Variants in RNPEPL1 observed in about 807,000 individuals in gnomAD.
RNPEPL1 encodes aminopeptidase RNPEPL1.
RNPEPL1 carries 46 observed loss-of-function variants against 69.0 expected under a neutral mutation model. The observed-to-expected ratio is 0.67, with a 90% confidence interval of 0.53 to 0.85. The LOEUF is 0.85. RNPEPL1 is among the 40% of genes least tolerant of loss of function. RNPEPL1 has a pLI of 0.00. For synonymous variants in RNPEPL1, 525 were observed against 454.1 expected, an observed-to-expected ratio of 1.16 and a Z score of -1.98; for missense variants, 869 against 992.5, an observed-to-expected ratio of 0.88 and a Z score of 1.67.
intron 8 of RNPEPL1, chr2:240,575,924 C>G: frequency 2.4e-6 from 1 of 411,258 alleles, no homozygotes; most frequent in Non-Finnish European, 4.6e-6. Flanking sequence ...TGTCCTGGAG[C>G]TGGAGAACAG....
chr2:240,579,716 C>CT lies in RNPEPL1; in HGVS notation c.*1827dup, dbSNP rs1440169821. 6.6e-6 allele frequency: 1 copy of CT among 152,254 alleles called. No individual in the cohort carries two copies. The highest frequency in any genetic ancestry group is 1.5e-5 in the Non-Finnish European group (1 of 68,072). 9.4% of individuals were successfully genotyped at this position (152,254 alleles called of 1,614,324 possible). ...TGGGGCTCCAGCCTTGGGAGGACCC[C>CT]TTTCCTGTTTCTTAACCATGCTTGA... On this transcript the variant is annotated 3_prime_UTR_variant, in exon 11 of 11. Transcript: ENST00000270357.
chr2:240,568,745 G>C lies in RNPEPL1; in HGVS notation c.159G>C (p.Glu53Asp). The C allele has an allele frequency of 3.8e-6, 4 of 1,063,392 alleles. No homozygotes were observed. Among genetic ancestry groups the C allele is most frequent in the Non-Finnish European group, 3.4e-6 (3 of 879,142 alleles). The allele number at this position is 1,063,392 out of a possible 1,614,324, so 65.9% of individuals were successfully genotyped here. A position where few individuals can be genotyped will look rare whatever the true frequency, so the allele number is the denominator to read the frequency against. Residue 53 changes from glutamate (E) to aspartate (D), a missense_variant, in exon 1 of 11, where the codon GAG becomes GAC. Transcript: ENST00000270357. The surrounding 1 kb of genome is among the most constrained non-coding windows in gnomAD (Gnocchi z 6.2). Reference protein sequence around the residue: ...HLQLGLELRPEARELAGCLVL... With the variant: ...HLQLGLELRPDARELAGCLVL... Reference sequence around the variant, plus strand: ...AGCTGGGCCTGGAGCTGCGGCCCGAGGCGCGCGAGTTGGCCGGCTGCCTGG... The same window carrying C: ...AGCTGGGCCTGGAGCTGCGGCCCGACGCGCGCGAGTTGGCCGGCTGCCTGG...
chr2:240,574,015 G>A (rs887311980), intron 4 of RNPEPL1, 98 bp from the exon 5 acceptor site: 6 of 1,396,876 alleles, frequency 4.3e-6, no homozygotes, highest in Non-Finnish European at 5.9e-6. Flanking sequence ...CACCGCAGGG[G>A]CTGGGCTGAT....
Position 240,573,697 on chromosome 2 carries a change from C to T in RNPEPL1, c.822-78C>T, listed in dbSNP as rs1575436981. The T allele has an allele frequency of 2.2e-5, 28 of 1,248,290 alleles. No homozygotes were observed. The East Asian group carries it at 6.9e-4, about 31-fold the overall frequency. 77.3% of individuals were successfully genotyped at this position (1,248,290 alleles called of 1,614,324 possible). ...TGAGGTGTGGGTGTTACTGGAGCCC[C>T]AGGGCAGTGGGAGAGCCTGGTGGGG... is the stretch of plus-strand genomic sequence containing the variant. On this transcript the variant is annotated intron_variant, in intron 3 of 10. Coordinates refer to ENST00000270357, the MANE Select transcript of RNPEPL1 (RefSeq NM_018226.6).
In RNPEPL1 at chr2:240,569,090, G is replaced by A. The variant is rs2125447566; in HGVS notation, c.504G>A (p.Arg168=). 1.3e-6 allele frequency: 2 copies of A among 1,504,638 alleles called. No homozygotes were observed. The highest frequency in any genetic ancestry group is 2.9e-5 in the African/African-American group (2 of 69,036). The allele number at this position is 1,504,638 out of a possible 1,614,324, so 93.2% of individuals were successfully genotyped here. ...QAHQPFQVIL[R]YTSTDAPAIW... ...ACCAGCCCTTCCAGGTCATCCTGCG[G>A]TACACCTCGACCGACGCCCCCGCCG... Residue 168 remains arginine, a synonymous_variant, in exon 1 of 11, where the codon CGG becomes CGA. Transcript: ENST00000270357.
At chr2:240,576,264 T>C in intron 8 of RNPEPL1, 3 of 544,496 alleles carry the variant, frequency 5.5e-6, no homozygotes, top group Middle Eastern at 4.8e-4. Context: ...ACTACTTCAT[T>C]GTCTTCCACC....
In RNPEPL1 at chr2:240,573,191, G is replaced by A. The variant is rs1202889429; in HGVS notation, c.751G>A (p.Glu251Lys). 6.3e-7 allele frequency: 1 copy of A among 1,597,922 alleles called. No homozygotes were observed. The highest frequency in any genetic ancestry group is 8.5e-7 in the Non-Finnish European group (1 of 1,173,256). Reference protein sequence around the residue: ...EEEGVFHFHMEHPVPAYLVAL... With the variant: ...EEEGVFHFHMKHPVPAYLVAL... ...AGAAGGCGTCTTCCACTTCCACATG[G>A]AGCACCCCGTGCCCGCCTACCTCGT... Residue 251 changes from glutamate (E) to lysine (K), a missense_variant, in exon 3 of 11, where the codon GAG becomes AAG. Physicochemically the swap from Glu to Lys is moderately conservative, Grantham distance 56. This residue lies in a region of RNPEPL1 where 610 missense variants were observed against 790.9 expected (regional missense o/e 0.77). Transcript: ENST00000270357.
chr2:240,575,819 A>G (rs920577857), intron 8 of RNPEPL1: 3 of 582,942 alleles, frequency 5.1e-6, no homozygotes, highest in African/African-American at 3.7e-5. Flanking sequence ...GGCCGGTGGC[A>G]CAGGCTAAGC....
At chr2:240,577,454 C>T in intron 10 of RNPEPL1, 145 bp from the exon 11 acceptor site, 1 of 895,652 alleles carries the variant, frequency 1.1e-6, no homozygotes, top group Non-Finnish European at 1.7e-6. Context: ...AATGGTAGGC[C>T]TCCTGGCCAC....
At chr2:240,572,853 C>T (rs1575436393) in intron 2 of RNPEPL1, among the ~76,000 whole-genome samples, 1 of 152,256 alleles carries the variant, frequency 6.6e-6, no homozygotes, top group African/African-American at 2.4e-5. Context: ...AGCTGCTGAT[C>T]CCCAGTGGGG....
At chr2:240,571,877 C>T (rs1421566194) in intron 1 of RNPEPL1, among the ~76,000 whole-genome samples, 1 of 152,006 alleles carries the variant, frequency 6.6e-6, no homozygotes, top group Non-Finnish European at 1.5e-5. Flanking sequence ...TGGCTTGGAG[C>T]CTGTCTCTTG....
intron 2 of RNPEPL1, 93 bp downstream of exon 2, chr2:240,572,656 T>C: frequency 6.9e-7 from 1 of 1,444,228 alleles, no homozygotes; most frequent in African/African-American, 1.4e-5. Context: ...GCCTGGGCTG[T>C]GGCCCCAGCT....
rs2125449516 is a variant in RNPEPL1, at chr2:240,573,832, C to CGCAGTGGA, written c.887_894dup (p.Leu299SerfsTer4). On this transcript the variant is annotated frameshift_variant, in exon 4 of 11. Transcript: ENST00000270357. LOFTEE classifies it high-confidence loss of function. Reference sequence around the variant, plus strand: ...CCACGGCCACCAGCAAGCTGTCGGGCGCAGTGGAGCAGTGGCTGAGTGCAG... The same window carrying CGCAGTGGA: ...CCACGGCCACCAGCAAGCTGTCGGGCGCAGTGGAGCAGTGGAGCAGTGGCTGAGTGCAG... 6.4e-7 allele frequency: 1 copy of CGCAGTGGA among 1,554,562 alleles called. No individual in the cohort carries two copies. Among genetic ancestry groups the CGCAGTGGA allele is most frequent in the Non-Finnish European group, 8.7e-7 (1 of 1,149,318 alleles).
At chr2:240,571,269 C>T (rs1263951538) in intron 1 of RNPEPL1, among the ~76,000 whole-genome samples, 4 of 152,112 alleles carry the variant, frequency 2.6e-5, no homozygotes, top group Admixed American at 6.5e-5. Context: ...GGGGTCTGGC[C>T]GGGACTGCGG....
At position 240,568,779 on chromosome 2, in the gene RNPEPL1, C is replaced by T. The variant is rs1025694953; in HGVS notation, c.193C>T (p.Leu65=). 9.3e-7 allele frequency: 1 copy of T among 1,075,394 alleles called. No individual in the cohort carries two copies. Among genetic ancestry groups the T allele is most frequent in the Non-Finnish European group, 1.1e-6 (1 of 887,244 alleles). 66.6% of individuals were successfully genotyped at this position (1,075,394 alleles called of 1,614,324 possible). ...GTTGGCCGGCTGCCTGGTGCTCGAG[C>T]TGTGCGCGCTGCGGCCCGCGCCCCG... ...RELAGCLVLE[L]CALRPAPRAL... The change falls in exon 1 of 11, where the codon CTG becomes TTG. Residue 65 remains leucine (L), a synonymous_variant. Transcript: ENST00000270357. The surrounding 1 kb of genome is among the most constrained non-coding windows in gnomAD (Gnocchi z 6.2).
intron 3 of RNPEPL1, among the ~76,000 whole-genome samples, chr2:240,573,569 G>A (rs2093028803): frequency 6.6e-6 from 1 of 152,232 alleles, no homozygotes; most frequent in African/African-American, 2.4e-5. Flanking sequence ...TGAGCTACGT[G>A]GCCCCTGGAA....
rs376844076 is a variant in RNPEPL1, at chr2:240,574,079, G to C, written c.939-34G>C. 2.5e-6 allele frequency: 4 copies of C among 1,587,628 alleles called. No homozygotes were observed. In the South Asian group the frequency reaches 4.4e-5, roughly 18 times the overall value. ...TGTGCAGGGTGGGAGTCTGAGCCCC[G>C]AGGTCTGCCACCCTCACCGCCCTCC... On this transcript the variant is annotated intron_variant, in intron 4 of 10. Coordinates refer to ENST00000270357, the MANE Select transcript of RNPEPL1 (RefSeq NM_018226.6).
rs371508934 is a variant in RNPEPL1, at chr2:240,574,363, G to A, written c.1174+15G>A. Reference sequence around the variant, plus strand: ...CGAGACCTACGGTGCGGCCAGGGCCGGGGAGGGCAGCCACGGGGGGCCCTG... The same window carrying A: ...CGAGACCTACGGTGCGGCCAGGGCCAGGGAGGGCAGCCACGGGGGGCCCTG... On this transcript the variant is annotated intron_variant, in intron 5 of 10. Coordinates refer to ENST00000270357, the MANE Select transcript of RNPEPL1 (RefSeq NM_018226.6). 5.8e-5 allele frequency: 92 copies of A among 1,589,514 alleles called. No homozygotes were observed. Among genetic ancestry groups the A allele is most frequent in the Admixed American group, 2.5e-4 (15 of 59,208 alleles).
rs2093046676 is a variant in RNPEPL1, at chr2:240,579,194, A to C, written c.*1302A>C. 1.3e-5 allele frequency: 2 copies of C among 152,154 alleles called. No homozygotes were observed. The highest frequency in any genetic ancestry group is 2.9e-5 in the Non-Finnish European group (2 of 68,086). 9.4% of individuals were successfully genotyped at this position (152,154 alleles called of 1,614,324 possible). A position where few individuals can be genotyped will look rare whatever the true frequency, so the allele number is the denominator to read the frequency against. ...CAGAAGCAGCACGTCTCTTCTCCCA[A>C]CCCGCTGGCCAGGCCCAGTCACAGC... On this transcript the variant is annotated 3_prime_UTR_variant, in exon 11 of 11. Coordinates refer to ENST00000270357, the MANE Select transcript of RNPEPL1 (RefSeq NM_018226.6).
Sources: allele counts gnomAD v4.1 joint callset (sites outside exome capture counted in the v4.1 genomes callset), GRCh38; gene constraint gnomAD v4.1.1; regional missense constraint gnomAD v4.1.1; non-coding constraint Gnocchi (gnomAD v3.1); transcripts MANE v1.5; gene names NCBI Gene and HGNC (gene_info 2026-07-23, HGNC 2026-07-21).